The following ROBO2 variants were observed in gnomAD, a reference collection of about 807,000 sequenced individuals.
ROBO2 encodes roundabout homolog 2.
In ROBO2, 53 loss-of-function variants were observed where a neutral mutation model predicts 160.8. That is an observed-to-expected ratio of 0.33 (90% CI 0.26 to 0.41). ROBO2 has a LOEUF of 0.41. ROBO2 is among the 10% of genes least tolerant of loss of function. The pLI is 1.00. For synonymous variants in ROBO2, 664 were observed against 611.7 expected, an observed-to-expected ratio of 1.09 and a Z score of -1.26; for missense variants, 1,577 against 1,722.4, an observed-to-expected ratio of 0.92 and a Z score of 1.49.
rs140434364 is a variant in ROBO2 at position 77,027,555 on chromosome 3, G to A, written c.110-70459G>A. 1.6e-3 allele frequency among the ~76,000 whole-genome samples: 238 copies of A among 152,304 alleles called. 2 individuals carry two copies. The East Asian group carries it at 0.032, about 21-fold the overall frequency. On this transcript the variant is annotated intron_variant, in intron 2 of 26. Coordinates refer to the ROBO2 transcript ENST00000487694. ...ATTACTACATGGCAATTGCTAGGTT[G>A]CTTTATTTAACTCTTTTGGTATTAA...
chr3:76,743,073 T>C (rs1264538256), intron 2 of ROBO2, among the ~76,000 whole-genome samples: 5 of 152,130 alleles, frequency 3.3e-5, no homozygotes, highest in Admixed American at 2.0e-4. Context: ...CTACAGCAAT[T>C]GAGGCACCAT....
Position 76,889,624 on chromosome 3 carries a change from G to A in ROBO2, c.110-208390G>A, listed in dbSNP as rs533684977. On this transcript the variant is annotated intron_variant, in intron 2 of 26. Transcript: ENST00000487694. ...TTTATCGAATATATACTGTGTGCCA[G>A]GCAGTGTTCTAGGTTCTGGGGAAAA... Among the ~76,000 whole-genome samples the A allele has an allele frequency of 3.9e-5, 6 of 152,240 alleles. No homozygotes were observed. In the South Asian group the frequency reaches 1.0e-3, roughly 26 times the overall value.
chr3:76,138,395 A>G (rs2071507591), intron 2 of ROBO2, among the ~76,000 whole-genome samples: 1 of 152,066 alleles, frequency 6.6e-6, no homozygotes, highest in African/African-American at 2.4e-5. Context: ...TTCTAAATGC[A>G]CATGCTTTTT....
chr3:76,259,328 A>G (rs1038464073), intron 2 of ROBO2, among the ~76,000 whole-genome samples: 2 of 152,162 alleles, frequency 1.3e-5, no homozygotes, highest in Non-Finnish European at 2.9e-5. Context: ...CTCTACACTT[A>G]GTTCCTTATT....
At chr3:76,112,960 T>G (rs1180866680) in intron 2 of ROBO2, among the ~76,000 whole-genome samples, 1 of 152,064 alleles carries the variant, frequency 6.6e-6, no homozygotes, top group African/African-American at 2.4e-5. Flanking sequence ...AGTGATTGAT[T>G]GATTGAGGAA....
intron 2 of ROBO2, among the ~76,000 whole-genome samples, chr3:77,100,975 C>T (rs543782675): frequency 1.1e-4 from 16 of 152,224 alleles, no homozygotes; most frequent in Non-Finnish European, 1.8e-4. Flanking sequence ...ACTGTGTATT[C>T]GGAGAACTGC....
At chr3:76,622,235 G>GAAGAAAGAAAGA (rs66811756) in intron 2 of ROBO2, among the ~76,000 whole-genome samples, 9 of 44,796 alleles carry the variant, frequency 2.0e-4, no homozygotes, top group East Asian at 1.9e-3. Flanking sequence ...AGGAAGGAAG[G>GAAGAAAGAAAGA]AAGAAAGAAA....
At chr3:75,979,214 C>G (rs1479433263) in intron 2 of ROBO2, among the ~76,000 whole-genome samples, 2 of 151,496 alleles carry the variant, frequency 1.3e-5, no homozygotes, top group Admixed American at 6.6e-5. Context: ...AACAGATACT[C>G]TATCATACTA....
chr3:76,896,853 CAG>C (rs1487779754), intron 2 of ROBO2, among the ~76,000 whole-genome samples: 1 of 152,088 alleles, frequency 6.6e-6, no homozygotes, highest in Admixed American at 6.6e-5. Flanking sequence ...GGAAATTTCT[CAG>C]TACTTTTAAA....
At chr3:76,916,145 G>A (rs940593061) in intron 2 of ROBO2, among the ~76,000 whole-genome samples, 1 of 152,148 alleles carries the variant, frequency 6.6e-6, no homozygotes, top group African/African-American at 2.4e-5. Context: ...ATAAAATGTT[G>A]CAGAAGATAC....
intron 2 of ROBO2, among the ~76,000 whole-genome samples, chr3:77,247,851 A>T (rs547607011): frequency 1.3e-5 from 2 of 152,324 alleles, no homozygotes; most frequent in African/African-American, 4.8e-5. Context: ...TAATACTGAT[A>T]GGAACAGGAT....
intron 2 of ROBO2, among the ~76,000 whole-genome samples, chr3:76,549,147 T>A (rs1371388833): frequency 6.6e-6 from 1 of 152,182 alleles, no homozygotes; most frequent in Admixed American, 6.5e-5. Flanking sequence ...ATTTGATAAT[T>A]AGAACATTCA....
At chr3:76,840,802 G>A (rs745602305) in intron 2 of ROBO2, among the ~76,000 whole-genome samples, 8 of 151,922 alleles carry the variant, frequency 5.3e-5, no homozygotes, top group Middle Eastern at 3.4e-3. Flanking sequence ...TTTGTTGGTG[G>A]AAATTGTGGG....
intron 6 of ROBO2, among the ~76,000 whole-genome samples, chr3:77,530,300 A>C (rs767071615): frequency 1.8e-4 from 28 of 151,990 alleles, no homozygotes; most frequent in Non-Finnish European, 2.8e-4. Flanking sequence ...CAGATTCTGG[A>C]ATACTTAGAG....
At chr3:77,164,436 T>TG (rs1324402946) in intron 2 of ROBO2, among the ~76,000 whole-genome samples, 5 of 80,530 alleles carry the variant, frequency 6.2e-5, no homozygotes, top group East Asian at 3.9e-4. Flanking sequence ...GGGAGGGAGG[T>TG]GGGGGGGTCA....
intron 2 of ROBO2, among the ~76,000 whole-genome samples, chr3:76,007,518 A>AT (rs2066058113): frequency 6.6e-6 from 1 of 152,078 alleles, no homozygotes; most frequent in Non-Finnish European, 1.5e-5. Context: ...AAAAGCAGGT[A>AT]TTTTTTTCAG....
At chr3:77,327,868 T>C (rs977623640) in intron 2 of ROBO2, among the ~76,000 whole-genome samples, 1 of 151,706 alleles carries the variant, frequency 6.6e-6, no homozygotes, top group Non-Finnish European at 1.5e-5. Flanking sequence ...TGGACAACAA[T>C]GGCGAAACCC....
intron 2 of ROBO2, among the ~76,000 whole-genome samples, chr3:76,987,729 A>G (rs1334152190): frequency 6.6e-6 from 1 of 152,120 alleles, no homozygotes; most frequent in African/African-American, 2.4e-5. Flanking sequence ...GTTCTCATAG[A>G]TTTTTTGTAC....
At chr3:77,541,152 A>C (rs6548516) in intron 6 of ROBO2, among the ~76,000 whole-genome samples, 18,518 of 152,224 alleles carry the variant, frequency 0.12, 2,158 homozygotes, top group African/African-American at 0.3. Context: ...GCTGAGCATG[A>C]CTGTATTCAC....
Sources: gnomAD v4.1 joint callset for allele counts (sites outside exome capture counted in the v4.1 genomes callset) on GRCh38, gnomAD v4.1.1 for gene constraint, MANE v1.5 for transcripts, NCBI Gene and HGNC (gene_info 2026-07-23, HGNC 2026-07-21) for gene names.